ASAP3: variants seen among roughly 807,000 people sequenced by gnomAD.
ASAP3 encodes arf-GAP with SH3 domain, ANK repeat and PH domain-containing protein 3.
In ASAP3, 85 loss-of-function variants were observed where a neutral mutation model predicts 118.2. The observed-to-expected ratio is 0.72, with a 90% confidence interval of 0.60 to 0.86. The LOEUF (loss-of-function observed/expected upper bound fraction) is 0.86. Among genes scored for constraint, ASAP3 ranks in the 40% least tolerant of loss-of-function variants. ASAP3 has a pLI of 0.00. For synonymous variants in ASAP3, 432 were observed against 477.4 expected (o/e 0.90, Z 1.24); for missense variants, 1,026 against 1,175.0 (o/e 0.87, Z 1.85).
intron 1 of ASAP3, among the ~76,000 whole-genome samples, chr1:23,482,929 G>A (rs963328441): frequency 4.6e-5 from 7 of 151,502 alleles, no homozygotes; most frequent in African/African-American, 1.7e-4. Context: ...TCCAGCCTGG[G>A]CGACACAGCG....
Position 23,437,545 on chromosome 1 carries a change from C to A in ASAP3, c.1103-73G>T, listed in dbSNP as rs1640722873. On this transcript the variant is annotated intron_variant, in intron 12 of 24. Transcript: ENST00000336689. The surrounding 1 kb of genome is among the most constrained non-coding windows in gnomAD (Gnocchi z 6.1). ...TTCCCGGAGCCCAGGGAGCCCCCAC[C>A]AAAGCCGCTGGGGCCACATGGAGAT... 2 of 1,579,828 alleles carry A rather than the reference C, an allele frequency of 1.3e-6. No individual in the cohort carries two copies. The highest frequency in any genetic ancestry group is 1.1e-5 in the South Asian group (1 of 88,242).
intron 17 of ASAP3, among the ~76,000 whole-genome samples, chr1:23,435,566 T>G (rs1463213932): frequency 6.6e-6 from 1 of 152,246 alleles, no homozygotes; most frequent in African/African-American, 2.4e-5. Flanking sequence ...ACATGACTTC[T>G]CACTTCATCA....
Position 23,431,737 on chromosome 1 carries a change from G to C in ASAP3, c.2505C>G (p.Ser835=). 6.6e-7 allele frequency: 1 copy of C among 1,522,252 alleles called. No homozygotes were observed. The allele number at this position is 1,522,252 out of a possible 1,614,324, so 94.3% of individuals were successfully genotyped here. ...GGTACATCTCCGAAGGGGTGGTCCC[G>C]GATGTCAGGCTGGGTCTGGAGGTGC... ...PPGTSRPSLT[S]GTTPSEMYLP... Residue 835 remains serine, a synonymous_variant, in exon 23 of 25, where the codon TCC becomes TCG. Coordinates refer to ENST00000336689, the MANE Select transcript of ASAP3 (RefSeq NM_017707.4).
At chr1:23,466,641 C>G (rs1240766784) in intron 1 of ASAP3, among the ~76,000 whole-genome samples, 1 of 152,210 alleles carries the variant, frequency 6.6e-6, no homozygotes, top group Non-Finnish European at 1.5e-5. Context: ...CTGCATGCCC[C>G]CTTCTGGGTC....
At chr1:23,432,004 A>ATATTTTT (rs1553171562) in intron 22 of ASAP3, 86 bp from the exon 23 acceptor site, 1 of 622,658 alleles carries the variant, frequency 1.6e-6, no homozygotes, top group Non-Finnish European at 2.3e-6. Context: ...GGCCTCTAGG[A>ATATTTTT]TTTTTTTTTT....
At chr1:23,440,226 G>A (rs1028944393) in intron 10 of ASAP3, among the ~76,000 whole-genome samples, 3 of 151,210 alleles carry the variant, frequency 2.0e-5, no homozygotes, top group Non-Finnish European at 4.4e-5. Flanking sequence ...CATAGGCTGG[G>A]CGCAGTGGCT....
chr1:23,472,507 G>T (rs1641993107), intron 1 of ASAP3, among the ~76,000 whole-genome samples: 1 of 152,124 alleles, frequency 6.6e-6, no homozygotes, highest in Non-Finnish European at 1.5e-5. Flanking sequence ...TGAACAGGAG[G>T]CAGAGAGCAA....
At chr1:23,440,496 A>G (rs2148615566) in intron 10 of ASAP3, among the ~76,000 whole-genome samples, 1 of 81,584 alleles carries the variant, frequency 1.2e-5, no homozygotes, top group East Asian at 3.7e-4. Context: ...GGGAGACTCC[A>G]TCTCAAAAAA....
intron 1 of ASAP3, among the ~76,000 whole-genome samples, chr1:23,478,477 C>G (rs1642204018): frequency 6.7e-6 from 1 of 149,508 alleles, no homozygotes; most frequent in Non-Finnish European, 1.5e-5. Context: ...AAAAAAAACT[C>G]CAGCCAGGTG....
At chr1:23,432,987 G>A (rs921434312) in intron 22 of ASAP3, 90 bp downstream of exon 22, 38 of 1,463,922 alleles carry the variant, frequency 2.6e-5, no homozygotes, top group African/African-American at 7.1e-5. Context: ...GGATAGTACG[G>A]ACTAACATAT....
chr1:23,436,946 GTGAC>G lies in ASAP3; in HGVS notation c.1437_1440del (p.Gln479HisfsTer16), dbSNP rs1640684370. On this transcript the variant is annotated frameshift_variant, in exon 15 of 25. Coordinates refer to ENST00000336689, the MANE Select transcript of ASAP3 (RefSeq NM_017707.4). LOFTEE classifies it high-confidence loss of function. The surrounding 1 kb of genome is among the most constrained non-coding windows in gnomAD (Gnocchi z 4.2). ...GAGGGGCCCAGCAGGTCCAAGGTGA[GTGAC>G]TGCATGCGCGAAAAGCGCACGCCCA... The G allele has an allele frequency of 1.9e-6, 3 of 1,612,490 alleles. No homozygotes were observed. The highest frequency in any genetic ancestry group is 2.5e-6 in the Non-Finnish European group (3 of 1,179,856).
intron 4 of ASAP3, among the ~76,000 whole-genome samples, chr1:23,452,242 C>G (rs543074352): frequency 1.3e-5 from 2 of 152,292 alleles, no homozygotes; most frequent in Non-Finnish European, 2.9e-5. Flanking sequence ...GCAGATTGCC[C>G]AGAGAGATTA....
At chr1:23,460,631 G>A (rs1300643677) in intron 1 of ASAP3, among the ~76,000 whole-genome samples, 1 of 152,104 alleles carries the variant, frequency 6.6e-6, no homozygotes, top group Admixed American at 6.6e-5. Flanking sequence ...TGGTGGGAAT[G>A]CAAAATGGTA....
Position 23,431,091 on chromosome 1 carries a change from G to T in ASAP3, c.2581C>A (p.Arg861=), listed in dbSNP as rs536081650. The T allele has an allele frequency of 1.3e-6, 2 of 1,560,928 alleles. No homozygotes were observed. Among genetic ancestry groups the T allele is most frequent in the South Asian group, 2.4e-5 (2 of 84,696 alleles). Residue 861 remains arginine (R), a synonymous_variant, in exon 24 of 25, where the codon CGG becomes AGG. Transcript: ENST00000336689. ...GCTGAGGGACCATCTTCAGGGCTCC[G>T]CGCCCCCCGCCGATAGGAGCGAGTG... ...ESTRSYRRGA[R]SPEDGPSARQ...
intron 5 of ASAP3, among the ~76,000 whole-genome samples, chr1:23,442,826 A>G (rs530977100): frequency 2.6e-5 from 4 of 152,240 alleles, no homozygotes; most frequent in South Asian, 2.1e-4. Context: ...GCAGAGAACT[A>G]TGGGAGAGAA....
intron 3 of ASAP3, among the ~76,000 whole-genome samples, chr1:23,453,011 T>C (rs1641271860): frequency 6.6e-6 from 1 of 152,078 alleles, no homozygotes; most frequent in African/African-American, 2.4e-5. Flanking sequence ...ATGGCTGACC[T>C]GCTGCCCGCC....
At chr1:23,462,500 C>T (rs1320857983) in intron 1 of ASAP3, among the ~76,000 whole-genome samples, 4 of 151,336 alleles carry the variant, frequency 2.6e-5, no homozygotes, top group East Asian at 2.0e-4. Context: ...CAGCCGGGCA[C>T]AGTGGCTCAC....
chr1:23,428,923 T>C lies in ASAP3; in HGVS notation c.*933A>G, dbSNP rs182941290. 2.5e-4 allele frequency: 38 copies of C among 154,958 alleles called. No homozygotes were observed. The allele number at this position is 154,958 out of a possible 1,614,324, so 9.6% of individuals were successfully genotyped here. ...TTAAGTCTCTGCCCTCCCAATTCTA[T>C]TACTCTCCCTTCTTTCTTTGCCTCT... On this transcript the variant is annotated 3_prime_UTR_variant, in exon 25 of 25. Transcript: ENST00000336689.
chr1:23,438,786 G>A lies in ASAP3; in HGVS notation c.1063C>T (p.Pro355Ser), dbSNP rs781440555. 1.9e-6 allele frequency: 3 copies of A among 1,614,148 alleles called. No individual in the cohort carries two copies. Among genetic ancestry groups the A allele is most frequent in the Admixed American group, 3.3e-5 (2 of 60,024 alleles). ...AAGCACTTTTTCTCCTCAGGGTTTG[G>A]CCTCACTTGGCACGTCAGCAGGGTC... ...KLTLLTCQVR[P>S]NPEEKKCFDL... The change falls in exon 12 of 25, where the codon CCA becomes TCA. Residue 355 changes from proline (P) to serine (S), a missense_variant. Pro to Ser is a moderately conservative substitution (Grantham distance 74). Transcript: ENST00000336689. The surrounding 1 kb of genome is among the most constrained non-coding windows in gnomAD (Gnocchi z 4.9).
Sources: allele counts gnomAD v4.1 joint callset (sites outside exome capture counted in the v4.1 genomes callset), GRCh38; gene constraint gnomAD v4.1.1; non-coding constraint Gnocchi (gnomAD v3.1); transcripts MANE v1.5; gene names NCBI Gene and HGNC (gene_info 2026-07-23, HGNC 2026-07-21).